The following TNRC6A variants were observed in gnomAD, a reference collection of about 807,000 sequenced individuals.
The protein encoded by TNRC6A is trinucleotide repeat-containing gene 6A protein.
In TNRC6A, 44 loss-of-function variants were observed where a neutral mutation model predicts 221.2. The ratio of observed to expected loss-of-function variants is 0.20; its 90% confidence interval spans 0.16 to 0.26. The LOEUF is 0.26. Ranked by LOEUF, TNRC6A falls within the 10% of genes least tolerant of loss-of-function variation. TNRC6A has a pLI of 1.00. For missense variants in TNRC6A, 2,199 were observed against 2,404.4 expected (o/e 0.91, Z 1.79); for synonymous variants, 847 against 838.5 (o/e 1.01, Z -0.18).
At chr16:24,655,098 G>A (rs2054882323) in intron 2 of TNRC6A, among the ~76,000 whole-genome samples, 1 of 152,008 alleles carries the variant, frequency 6.6e-6, no homozygotes, top group Non-Finnish European at 1.5e-5. Flanking sequence ...CAAAAATTTA[G>A]CTGGGCATGG....
chr16:24,807,179 T>C (rs1191478941), intron 17 of TNRC6A, among the ~76,000 whole-genome samples: 1 of 152,054 alleles, frequency 6.6e-6, no homozygotes, highest in African/African-American at 2.4e-5. Context: ...CTAATCTTTG[T>C]ATTTTAATAG....
intron 2 of TNRC6A, among the ~76,000 whole-genome samples, chr16:24,696,386 T>C (rs555238956): frequency 1.3e-3 from 188 of 147,948 alleles, no homozygotes; most frequent in Admixed American, 2.4e-3. Flanking sequence ...GAGAACTCCC[T>C]GGAAAGAATT....
intron 2 of TNRC6A, among the ~76,000 whole-genome samples, chr16:24,713,449 C>A (rs200002680): frequency 0.03 from 2,362 of 77,650 alleles, 21 homozygotes; most frequent in Admixed American, 0.039. Flanking sequence ...AACAAACAAA[C>A]AAAAAAATAT....
At chr16:24,776,503 C>G in intron 4 of TNRC6A, 1 of 985,406 alleles carries the variant, frequency 1.0e-6, no homozygotes, top group Non-Finnish European at 1.2e-6. Context: ...AAATAGAGAC[C>G]AAACACATTA....
At chr16:24,732,713 ATTATT>A (rs2056673279) in intron 2 of TNRC6A, among the ~76,000 whole-genome samples, 2 of 152,138 alleles carry the variant, frequency 1.3e-5, no homozygotes, top group Non-Finnish European at 2.9e-5. Flanking sequence ...CAGATAATTT[ATTATT>A]TTGAGGGTTG....
chr16:24,628,422 A>T (rs1901151202), intron 1 of TNRC6A, among the ~76,000 whole-genome samples: 1 of 152,008 alleles, frequency 6.6e-6, no homozygotes, highest in Admixed American at 6.6e-5. Context: ...TCCATCTCAA[A>T]AAAAAGAAAA....
chr16:24,663,513 GC>G (rs1262691643), intron 2 of TNRC6A: 1 of 160,714 alleles, frequency 6.2e-6, no homozygotes, highest in African/African-American at 2.4e-5. Context: ...CCGAGATCCA[GC>G]CACCGCACTC....
chr16:24,790,463 C>T lies in TNRC6A; in HGVS notation c.1821C>T (p.Asn607=). ...SRRGWGTPAQ[N]TGTNLPSVEW... ...GAGGATGGGGAACCCCTGCACAAAA[C>T]ACTGGCACTAATTTACCCAGCGTTG... is the stretch of plus-strand genomic sequence containing the variant. The change falls in exon 6 of 25, where the codon AAC becomes AAT. Residue 607 remains asparagine (N), a synonymous_variant. Coordinates refer to ENST00000395799, the MANE Select transcript of TNRC6A (RefSeq NM_014494.4). 1 of 1,614,258 alleles carries T rather than the reference C, an allele frequency of 6.2e-7. No individual in the cohort carries two copies. Among genetic ancestry groups the T allele is most frequent in the Non-Finnish European group, 8.5e-7 (1 of 1,180,052 alleles).
chr16:24,623,300 G>A (rs1900782333), intron 1 of TNRC6A, among the ~76,000 whole-genome samples: 2 of 152,104 alleles, frequency 1.3e-5, no homozygotes, highest in South Asian at 2.1e-4. Flanking sequence ...CCGGGCTCAC[G>A]CCATTCTCCT....
chr16:24,709,593 G>A (rs1377017943), intron 2 of TNRC6A, among the ~76,000 whole-genome samples: 1 of 152,064 alleles, frequency 6.6e-6, no homozygotes, highest in Non-Finnish European at 1.5e-5. Flanking sequence ...GGAGGCTGAG[G>A]TAGGTGGATC....
chr16:24,730,324 T>C, intron 2 of TNRC6A, 24 bp downstream of exon 2: 1 of 1,602,804 alleles, frequency 6.2e-7, no homozygotes, highest in East Asian at 2.3e-5. Context: ...GCTTTCCGTC[T>C]CCCGCCCCAC....
At chr16:24,766,457 G>A (rs1337471765) in intron 4 of TNRC6A, among the ~76,000 whole-genome samples, 3 of 152,164 alleles carry the variant, frequency 2.0e-5, no homozygotes. Flanking sequence ...CTAATTCAGG[G>A]TTCCTCCATA....
chr16:24,647,042 C>A (rs1359731372), intron 2 of TNRC6A, among the ~76,000 whole-genome samples: 1 of 152,080 alleles, frequency 6.6e-6, no homozygotes, highest in Non-Finnish European at 1.5e-5. Flanking sequence ...ATCCTCCCAC[C>A]TCAGCCTCCT....
At position 24,805,117 on chromosome 16, in the gene TNRC6A, G is replaced by C. The variant is rs767509756; in HGVS notation, c.4088G>C (p.Arg1363Pro). Residue 1363 changes from arginine to proline, a missense_variant, in exon 14 of 25, where the codon CGT becomes CCT. Coordinates refer to ENST00000395799, the MANE Select transcript of TNRC6A (RefSeq NM_014494.4). ...QPLSSSQPNL[R>P]AQVPPPLLSP... ...CTTAGTTCATCTCAGCCTAATCTCC[G>C]TGCTCAAGTGCCTCCTCCATTACTC... The C allele has an allele frequency of 6.2e-7, 1 of 1,613,980 alleles. No individual in the cohort carries two copies. Among genetic ancestry groups the C allele is most frequent in the African/African-American group, 1.3e-5 (1 of 74,888 alleles).
intron 1 of TNRC6A, among the ~76,000 whole-genome samples, chr16:24,620,625 T>C (rs919800957): frequency 2.0e-5 from 3 of 151,444 alleles, no homozygotes; most frequent in Admixed American, 6.6e-5. Context: ...TTGACCAATA[T>C]AATGAAACCC....
intron 2 of TNRC6A, among the ~76,000 whole-genome samples, chr16:24,692,184 T>C (rs762387087): frequency 3.2e-4 from 48 of 152,186 alleles, no homozygotes; most frequent in Non-Finnish European, 5.3e-4. Flanking sequence ...TCTAGTTGAG[T>C]CGTGGCTCTA....
intron 4 of TNRC6A, chr16:24,776,256 A>C: frequency 2.0e-6 from 2 of 984,494 alleles, no homozygotes; most frequent in Non-Finnish European, 1.2e-6. Flanking sequence ...CCCTATTTGC[A>C]GTTTCCGATT....
intron 2 of TNRC6A, among the ~76,000 whole-genome samples, chr16:24,703,926 A>G (rs1274992583): frequency 6.6e-6 from 1 of 151,784 alleles, no homozygotes; most frequent in African/African-American, 2.4e-5. Flanking sequence ...TCTACAAAAG[A>G]TAGAAAGATC....
chr16:24,816,977 A>G, intron 20 of TNRC6A, 21 bp downstream of exon 20: 1 of 1,605,554 alleles, frequency 6.2e-7, no homozygotes, highest in Non-Finnish European at 8.5e-7. Context: ...GGTGCAAATC[A>G]ATTTCTGAGT....
Sources: allele counts gnomAD v4.1 joint callset (sites outside exome capture counted in the v4.1 genomes callset), GRCh38; gene constraint gnomAD v4.1.1; transcripts MANE v1.5; gene names NCBI Gene and HGNC (gene_info 2026-07-23, HGNC 2026-07-21).